DYNC1LI1: variants seen among roughly 807,000 people sequenced by gnomAD.
The protein encoded by DYNC1LI1 is dynein cytoplasmic 1 light intermediate chain 1.
DYNC1LI1 carries 19 observed loss-of-function variants against 63.8 expected under a neutral mutation model. The ratio of observed to expected loss-of-function variants is 0.30; its 90% CI spans 0.21 to 0.44. The LOEUF is 0.44. DYNC1LI1 is among the 20% of genes least tolerant of loss of function. The pLI, the probability that DYNC1LI1 is intolerant of heterozygous loss-of-function variation, is 1.00. For synonymous variants in DYNC1LI1, 225 were observed against 232.3 expected (o/e 0.97, Z 0.28); for missense variants, 565 against 630.2 (o/e 0.90, Z 1.11).
chr3:32,562,629 T>G (rs934281732), intron 2 of DYNC1LI1, among the ~76,000 whole-genome samples: 1 of 152,240 alleles, frequency 6.6e-6, no homozygotes, highest in African/African-American at 2.4e-5. Context: ...GCATGGCTAT[T>G]TTCACTTTAT....
Position 32,534,539 on chromosome 3 carries a change from C to T in DYNC1LI1, c.940G>A (p.Val314Ile). The change falls in exon 7 of 13, where the codon GTT (valine) becomes ATT (isoleucine). Residue 314 changes from valine to isoleucine, a missense_variant. Val to Ile is a conservative substitution (Grantham distance 29). Transcript: ENST00000273130. ...AATACTGCATCCTTTTCCACAACAA[C>T]AGCAGGAATCTTATAGGGAAATCCA... Reference protein sequence around the residue: ...LYGFPYKIPAVVVEKDAVFIP... With the variant: ...LYGFPYKIPAIVVEKDAVFIP... 4 of 1,593,254 alleles carry T rather than the reference C, an allele frequency of 2.5e-6. No homozygotes were observed. In the South Asian group the frequency reaches 3.4e-5, roughly 13 times the overall value.
intron 2 of DYNC1LI1, among the ~76,000 whole-genome samples, chr3:32,566,394 G>C (rs933552207): frequency 6.6e-6 from 1 of 152,176 alleles, no homozygotes; most frequent in Non-Finnish European, 1.5e-5. Context: ...TCCTTAGGGA[G>C]TTTTCTTATC....
At chr3:32,539,288 T>C (rs547759185) in intron 5 of DYNC1LI1, among the ~76,000 whole-genome samples, 1 of 152,298 alleles carries the variant, frequency 6.6e-6, no homozygotes, top group Non-Finnish European at 1.5e-5. Context: ...TCCTTTGTTA[T>C]GGATAATTTT....
At chr3:32,564,863 G>C (rs755492589) in intron 2 of DYNC1LI1, among the ~76,000 whole-genome samples, 2 of 152,020 alleles carry the variant, frequency 1.3e-5, no homozygotes, top group East Asian at 3.9e-4. Context: ...TCCTCACATA[G>C]AAAACCATAC....
At chr3:32,540,450 C>T (rs927465964) in intron 5 of DYNC1LI1, among the ~76,000 whole-genome samples, 1 of 151,674 alleles carries the variant, frequency 6.6e-6, no homozygotes, top group Non-Finnish European at 1.5e-5. Flanking sequence ...GAGGCCAAGG[C>T]GGGTGGGTCA....
intron 2 of DYNC1LI1, among the ~76,000 whole-genome samples, chr3:32,563,133 T>C (rs958351352): frequency 6.6e-6 from 1 of 152,126 alleles, no homozygotes; most frequent in African/African-American, 2.4e-5. Flanking sequence ...TTACCCCAGA[T>C]GATTCAGCAA....
At chr3:32,567,047 C>G (rs1430846124) in intron 2 of DYNC1LI1, among the ~76,000 whole-genome samples, 3 of 152,152 alleles carry the variant, frequency 2.0e-5, no homozygotes, top group Non-Finnish European at 4.4e-5. Context: ...TCCCAGAATC[C>G]AATAAATATT....
At chr3:32,558,354 G>A (rs1302784081) in intron 2 of DYNC1LI1, among the ~76,000 whole-genome samples, 6 of 149,358 alleles carry the variant, frequency 4.0e-5, no homozygotes, top group Non-Finnish European at 8.9e-5. Context: ...AGGCCACATG[G>A]GTCTCTGTCA....
intron 3 of DYNC1LI1, 187 bp downstream of exon 3, chr3:32,545,662 A>G (rs1054386390): frequency 1.7e-6 from 1 of 594,432 alleles, no homozygotes; most frequent in Non-Finnish European, 3.0e-6. Context: ...AAGATGCTTA[A>G]AAGTATCATA....
At chr3:32,537,937 A>ATATAATTTATATATATAAT (rs60796171) in intron 5 of DYNC1LI1, among the ~76,000 whole-genome samples, 1 of 13,888 alleles carries the variant, frequency 7.2e-5, no homozygotes, top group Non-Finnish European at 1.2e-4. Flanking sequence ...ATATATATAT[A>ATATAATTTATATATATAAT]ATATATATAT....
At position 32,526,157 on chromosome 3, in the gene DYNC1LI1, T is replaced by C. The variant is rs1238224608; in HGVS notation, c.*642A>G. On this transcript the variant is annotated 3_prime_UTR_variant, in exon 13 of 13. Coordinates refer to ENST00000273130, the MANE Select transcript of DYNC1LI1 (RefSeq NM_016141.4). ...ATTTTTCTTTTACACATTTAGGCAG[T>C]GTGCTTTCTTTTCTCCTCAGTTAAA... 1 of 152,636 alleles carries C rather than the reference T, an allele frequency of 6.6e-6. No homozygotes were observed. The highest frequency in any genetic ancestry group is 1.9e-4 in the East Asian group (1 of 5,200). 9.5% of individuals were successfully genotyped at this position (152,636 alleles called of 1,614,324 possible). A position where few individuals can be genotyped will look rare whatever the true frequency, so the allele number is the denominator to read the frequency against.
intron 4 of DYNC1LI1, among the ~76,000 whole-genome samples, chr3:32,543,573 T>C (rs1697911896): frequency 6.6e-6 from 1 of 150,772 alleles, no homozygotes; most frequent in Non-Finnish European, 1.5e-5. Flanking sequence ...TAATTTTTTT[T>C]TTTTTTGTAT....
chr3:32,528,503 G>A lies in DYNC1LI1; in HGVS notation c.1405C>T (p.Pro469Ser). The change falls in exon 12 of 13, where the codon CCT becomes TCT. Residue 469 changes from proline to serine, a missense_variant. Pro to Ser is a moderately conservative substitution (Grantham distance 74). Coordinates refer to ENST00000273130, the MANE Select transcript of DYNC1LI1 (RefSeq NM_016141.4). The stretch of plus-strand genomic sequence containing the variant: ...CTTCCACCTCCAGCCCCACCTGCAG[G>A]GCTACCACCACTCACACCAGGGCCT... ...PGGPGVSGGS[P>S]AGGAGGGSSG... is the part of the protein sequence containing the mutation. 2 of 1,613,870 alleles carry A rather than the reference G, an allele frequency of 1.2e-6. No individual in the cohort carries two copies. Among genetic ancestry groups the A allele is most frequent in the East Asian group, 2.2e-5 (1 of 44,874 alleles).
At chr3:32,555,486 G>A (rs1241465235) in intron 2 of DYNC1LI1, among the ~76,000 whole-genome samples, 1 of 152,186 alleles carries the variant, frequency 6.6e-6, no homozygotes, top group Non-Finnish European at 1.5e-5. Context: ...TTGTTCTAGG[G>A]TTATACACAT....
intron 2 of DYNC1LI1, among the ~76,000 whole-genome samples, chr3:32,554,173 G>A (rs768222319): frequency 3.9e-4 from 60 of 152,318 alleles, no homozygotes; most frequent in Non-Finnish European, 7.9e-4. Flanking sequence ...GTGACAGGTG[G>A]ATATGTTCCT....
At chr3:32,556,922 A>G (rs924845443) in intron 2 of DYNC1LI1, among the ~76,000 whole-genome samples, 2 of 152,210 alleles carry the variant, frequency 1.3e-5, no homozygotes, top group Non-Finnish European at 2.9e-5. Context: ...ATTTACCACA[A>G]TCTATTAAAA....
At position 32,561,037 on chromosome 3, in the gene DYNC1LI1, AC is replaced by A. The variant is rs1379725170; in HGVS notation, c.220+9308del. Among the ~76,000 whole-genome samples the A allele has an allele frequency of 5.1e-3, 675 of 133,646 alleles. 23 individuals are homozygous for A. Among genetic ancestry groups the A allele is most frequent in the African/African-American group, 0.017 (581 of 33,538 alleles). The allele number at this position is 133,646 out of a possible 152,430, so 87.7% of individuals were successfully genotyped here. A position where few individuals can be genotyped will look rare whatever the true frequency, so the allele number is the denominator to read the frequency against. On this transcript the variant is annotated intron_variant, in intron 2 of 12. Transcript: ENST00000273130. ...AAAAAAAAAAAAAAAAAAAAAACAA[AC>A]AAAAAAAACACACACACACCAAAGA...
chr3:32,562,742 T>G (rs1468896718), intron 2 of DYNC1LI1, among the ~76,000 whole-genome samples: 1 of 152,186 alleles, frequency 6.6e-6, no homozygotes, highest in African/African-American at 2.4e-5. Context: ...TAGACATAAT[T>G]TCTTTTGGTT....
intron 2 of DYNC1LI1, among the ~76,000 whole-genome samples, chr3:32,554,863 ATTTTTTTTTTT>A (rs11434502): frequency 9.5e-6 from 1 of 104,722 alleles, no homozygotes; most frequent in Non-Finnish European, 1.8e-5. Flanking sequence ...AAATTTTTGA[ATTTTTTTTTTT>A]TTTTTTTTTT....
Sources: allele counts gnomAD v4.1 joint callset (sites outside exome capture counted in the v4.1 genomes callset), GRCh38; gene constraint gnomAD v4.1.1; transcripts MANE v1.5; gene names NCBI Gene and HGNC (gene_info 2026-07-23, HGNC 2026-07-21).